The following PCDHGA2 variants were observed in gnomAD, a reference collection of about 807,000 sequenced individuals.
The protein encoded by PCDHGA2 is protocadherin gamma-A2.
PCDHGA2 carries 40 observed loss-of-function variants against 59.2 expected under a neutral mutation model. The ratio of observed to expected loss-of-function variants is 0.68; its 90% CI spans 0.52 to 0.88. The LOEUF (loss-of-function observed/expected upper bound fraction) is 0.88. Ranked by LOEUF, PCDHGA2 falls within the 40% of genes least tolerant of loss-of-function variation. The pLI, the probability that PCDHGA2 is intolerant of heterozygous loss-of-function variation, is 0.00. For synonymous variants in PCDHGA2, 560 were observed against 526.0 expected (o/e 1.06, Z -0.89); for missense variants, 1,226 against 1,204.0 (o/e 1.02, Z -0.27).
intron 1 of PCDHGA2, chr5:141,415,435 C>A: frequency 1.2e-6 from 2 of 1,614,202 alleles, no homozygotes; most frequent in Non-Finnish European, 8.5e-7. Context: ...TCGGGCTTTC[C>A]TGCAGACCTA....
At chr5:141,403,003 C>T in intron 1 of PCDHGA2, 3 of 1,613,970 alleles carry the variant, frequency 1.9e-6, no homozygotes, top group South Asian at 1.1e-5. Flanking sequence ...TCCTGCTATG[C>T]TCGCTCCTGG....
At chr5:141,422,100 A>G (rs1019775470) in intron 1 of PCDHGA2, 2 of 1,609,786 alleles carry the variant, frequency 1.2e-6, no homozygotes, top group Non-Finnish European at 1.7e-6. Context: ...AGGCTTCTGA[A>G]ATATTCCAAT....
chr5:141,451,565 C>A (rs1336048717), intron 1 of PCDHGA2, among the ~76,000 whole-genome samples: 2 of 152,062 alleles, frequency 1.3e-5, no homozygotes, highest in South Asian at 2.1e-4. Flanking sequence ...AAGCCACAAT[C>A]TTTTTATAAA....
intron 1 of PCDHGA2, among the ~76,000 whole-genome samples, chr5:141,469,108 C>A (rs923728484): frequency 4.0e-5 from 6 of 151,768 alleles, no homozygotes; most frequent in Non-Finnish European, 5.9e-5. Context: ...AAGAACCTGT[C>A]TCTAAAAAAA....
intron 1 of PCDHGA2, chr5:141,360,688 A>G: frequency 6.2e-7 from 1 of 1,613,902 alleles, no homozygotes; most frequent in Non-Finnish European, 8.5e-7. Context: ...TGAGAAACAG[A>G]CTCCAGATGG....
intron 2 of PCDHGA2, among the ~76,000 whole-genome samples, chr5:141,499,937 C>T (rs1257575594): frequency 6.6e-6 from 1 of 152,082 alleles, no homozygotes; most frequent in Non-Finnish European, 1.5e-5. Context: ...ATCCACCCTC[C>T]TCGGCCTCCC....
At chr5:141,404,221 T>C (rs1028021504) in intron 1 of PCDHGA2, 2 of 1,613,766 alleles carry the variant, frequency 1.2e-6, no homozygotes, top group Non-Finnish European at 1.7e-6. Context: ...TCACGGTGAC[T>C]GCAACAGACA....
At chr5:141,438,649 CACAT>C (rs2098044358) in intron 1 of PCDHGA2, among the ~76,000 whole-genome samples, 1 of 100,976 alleles carries the variant, frequency 9.9e-6, no homozygotes, top group Non-Finnish European at 2.0e-5. Context: ...CACACACACA[CACAT>C]ATATGTATAT....
chr5:141,340,588 C>G lies in PCDHGA2; in HGVS notation c.1617C>G (p.Asn539Lys). The change falls in exon 1 of 4, where the codon AAC becomes AAG. Residue 539 changes from asparagine to lysine, a missense_variant. Asn to Lys is a moderately conservative substitution (Grantham distance 94). Coordinates refer to ENST00000394576, the MANE Select transcript of PCDHGA2 (RefSeq NM_018915.4). ...QVWVIARDSG[N>K]PPLSSNVSLS... ...GGGTGATAGCGCGGGACAGCGGGAA[C>G]CCTCCACTCAGTAGCAATGTATCAT... 1 of 1,614,258 alleles carries G rather than the reference C, an allele frequency of 6.2e-7. No individual in the cohort carries two copies. Among genetic ancestry groups the G allele is most frequent in the Non-Finnish European group, 8.5e-7 (1 of 1,180,048 alleles).
intron 1 of PCDHGA2, chr5:141,413,040 C>G: frequency 1.2e-6 from 1 of 840,546 alleles, no homozygotes; most frequent in Non-Finnish European, 1.8e-6. Flanking sequence ...GGCTGCTGGG[C>G]TGCAGGGAAG....
chr5:141,376,195 C>G, intron 1 of PCDHGA2: 1 of 1,614,172 alleles, frequency 6.2e-7, no homozygotes, highest in South Asian at 1.1e-5. Context: ...CCTGCGTCTT[C>G]CTGGCCTTCG....
At position 141,340,184 on chromosome 5, in the gene PCDHGA2, G is replaced by A. The variant is rs1473559871; in HGVS notation, c.1213G>A (p.Val405Ile). The A allele has an allele frequency of 6.2e-7, 1 of 1,614,046 alleles. No homozygotes were observed. Among genetic ancestry groups the A allele is most frequent in the Non-Finnish European group, 8.5e-7 (1 of 1,180,008 alleles). Residue 405 changes from valine to isoleucine, a missense_variant, in exon 1 of 4, where the codon GTT becomes ATT. Physicochemically the swap from Val to Ile is conservative, Grantham distance 29. Coordinates refer to ENST00000394576, the MANE Select transcript of PCDHGA2 (RefSeq NM_018915.4). ...EKSVDNYYRL[V>I]TTRALDREQF... ...GTCAGTAGACAATTACTACCGACTGGTTACAACCAGAGCCCTTGACAGGGA... is the reference window on the plus strand; with the variant it reads ...GTCAGTAGACAATTACTACCGACTGATTACAACCAGAGCCCTTGACAGGGA...
chr5:141,409,669 C>T, intron 1 of PCDHGA2: 1 of 1,613,528 alleles, frequency 6.2e-7, no homozygotes, highest in Non-Finnish European at 8.5e-7. Context: ...ACATCTCCTA[C>T]TCTATAGTGG....
In PCDHGA2 at chr5:141,432,076, G is replaced by A. The variant is rs1442341840; in HGVS notation, c.2425-62731G>A. The A allele has an allele frequency of 1.2e-6, 2 of 1,614,160 alleles. No homozygotes were observed. Among genetic ancestry groups the A allele is most frequent in the East Asian group, 2.2e-5 (1 of 44,872 alleles). On this transcript the variant is annotated intron_variant, in intron 1 of 3. Coordinates refer to ENST00000394576, the MANE Select transcript of PCDHGA2 (RefSeq NM_018915.4). This position sits in a 1 kb window ranked among gnomAD's most constrained non-coding sequence, Gnocchi z 6.0. ...CCCTATCCACGGAAACTCATATCTCGCTGAACGTGGCAGACACCAACGACA... is the reference window on the plus strand; with the variant it reads ...CCCTATCCACGGAAACTCATATCTCACTGAACGTGGCAGACACCAACGACA...
intron 1 of PCDHGA2, among the ~76,000 whole-genome samples, chr5:141,438,620 A>G (rs2098023964): frequency 1.0e-4 from 4 of 39,044 alleles, no homozygotes; most frequent in African/African-American, 8.0e-4. Flanking sequence ...ATATATATAT[A>G]TATATATATA....
chr5:141,489,112 A>C lies in PCDHGA2; in HGVS notation c.2425-5695A>C. 3 of 412,420 alleles carry C rather than the reference A, an allele frequency of 7.3e-6. No individual in the cohort carries two copies. Among genetic ancestry groups the C allele is most frequent in the South Asian group, 4.2e-5 (1 of 23,838 alleles). The allele number at this position is 412,420 out of a possible 1,614,324, so 25.5% of individuals were successfully genotyped here. ...TGACTAAGAACTGCTGCAAGCAGGC[A>C]AACCTCCGAGCAGTTTTTAAGAGGC... is the stretch of plus-strand genomic sequence containing the variant. On this transcript the variant is annotated intron_variant, in intron 1 of 3. Coordinates refer to ENST00000394576, the MANE Select transcript of PCDHGA2 (RefSeq NM_018915.4). The surrounding 1 kb of genome is among the most constrained non-coding windows in gnomAD (Gnocchi z 4.5).
chr5:141,385,608 T>C, intron 1 of PCDHGA2: 2 of 1,153,978 alleles, frequency 1.7e-6, no homozygotes, highest in Non-Finnish European at 2.2e-6. Context: ...TTAACTCATA[T>C]ATTTTATACA....
In PCDHGA2 at chr5:141,487,737, T is replaced by G. The variant is rs1019622307; in HGVS notation, c.2425-7070T>G. 1 of 1,563,758 alleles carries G rather than the reference T, an allele frequency of 6.4e-7. No homozygotes were observed. The highest frequency in any genetic ancestry group is 8.7e-7 in the Non-Finnish European group (1 of 1,152,772). On this transcript the variant is annotated intron_variant, in intron 1 of 3. Transcript: ENST00000394576. This position sits in a 1 kb window ranked among gnomAD's most constrained non-coding sequence, Gnocchi z 5.0. ...GCCCATAGTGATGTCACCATTTTTG[T>G]AAGAGGTAACTATGTGGTAGACGCT...
rs760056101 is a variant in PCDHGA2, at chr5:141,361,494, A to T, written c.2424+20099A>T. The T allele has an allele frequency of 2.5e-6, 4 of 1,613,976 alleles. No homozygotes were observed. In the East Asian group the frequency reaches 8.9e-5, roughly 36 times the overall value. On this transcript the variant is annotated intron_variant, in intron 1 of 3. Coordinates refer to ENST00000394576, the MANE Select transcript of PCDHGA2 (RefSeq NM_018915.4). ...TCAACGATAATGCCCCAGTTTTCCA[A>T]CAGACTTCCTACATGGTTCACGTGG...
Sources: allele counts gnomAD v4.1 joint callset (sites outside exome capture counted in the v4.1 genomes callset), GRCh38; gene constraint gnomAD v4.1.1; non-coding constraint Gnocchi (gnomAD v3.1); transcripts MANE v1.5; gene names NCBI Gene and HGNC (gene_info 2026-07-23, HGNC 2026-07-21).